Variants in IQCM observed in about 807,000 individuals in gnomAD.
IQCM encodes the protein IQ motif containing M, also known as IQ domain-containing protein M.
In IQCM, 45 loss-of-function variants were observed where a neutral mutation model predicts 57.6. The ratio of observed to expected loss-of-function variants is 0.78; its 90% confidence interval spans 0.62 to 1.00. The LOEUF (loss-of-function observed/expected upper bound fraction) is 1.00, where lower values mean the gene tolerates loss of function less well. Ranked by LOEUF, IQCM falls within the 50% of genes least tolerant of loss-of-function variation. The pLI is 0.00. For synonymous variants in IQCM, 148 were observed against 158.9 expected, an observed-to-expected ratio of 0.93 and a Z score of 0.51; for missense variants, 468 against 511.6, an observed-to-expected ratio of 0.91 and a Z score of 0.82.
intron 7 of IQCM, among the ~76,000 whole-genome samples, chr4:149,639,173 T>C (rs932807672): frequency 6.6e-6 from 1 of 152,164 alleles, no homozygotes; most frequent in Non-Finnish European, 1.5e-5. Flanking sequence ...ACGCCTATAA[T>C]ACCAGCACTT....
intron 13 of IQCM, among the ~76,000 whole-genome samples, chr4:149,354,085 C>G (rs1728755752): frequency 6.6e-6 from 1 of 151,956 alleles, no homozygotes; most frequent in Non-Finnish European, 1.5e-5. Context: ...GACAAATTGG[C>G]CAGGCGCGGT....
chr4:149,445,603 C>T (rs1579081234), intron 12 of IQCM, among the ~76,000 whole-genome samples: 1 of 151,608 alleles, frequency 6.6e-6, no homozygotes, highest in African/African-American at 2.4e-5. Flanking sequence ...CTAAATGTTG[C>T]CTGTGCTTAG....
intron 12 of IQCM, among the ~76,000 whole-genome samples, chr4:149,501,484 T>C (rs552821128): frequency 1.4e-4 from 22 of 152,154 alleles, no homozygotes; most frequent in African/African-American, 4.6e-4. Context: ...AGAAAATTCC[T>C]AGTAACATGA....
At chr4:149,391,387 G>T (rs1731845242) in intron 13 of IQCM, among the ~76,000 whole-genome samples, 1 of 151,344 alleles carries the variant, frequency 6.6e-6, no homozygotes, top group Non-Finnish European at 1.5e-5. Flanking sequence ...TTTTTTCTTT[G>T]TCTGTCTAAC....
At chr4:149,594,902 T>C (rs1176781892) in intron 8 of IQCM, among the ~76,000 whole-genome samples, 2 of 152,240 alleles carry the variant, frequency 1.3e-5, no homozygotes, top group East Asian at 3.9e-4. Context: ...GGAATAAGTG[T>C]GATGTCATGC....
chr4:149,625,973 A>C (rs1024456794), intron 7 of IQCM, among the ~76,000 whole-genome samples: 3 of 152,118 alleles, frequency 2.0e-5, no homozygotes, highest in Non-Finnish European at 4.4e-5. Context: ...TTCTTTTCAT[A>C]CTATGTTCTG....
At chr4:149,382,970 C>T (rs1198869143) in intron 13 of IQCM, among the ~76,000 whole-genome samples, 2 of 138,130 alleles carry the variant, frequency 1.4e-5, no homozygotes, top group Non-Finnish European at 3.1e-5. Context: ...CTTATTTTGA[C>T]ATTAATGGTC....
intron 9 of IQCM, among the ~76,000 whole-genome samples, chr4:149,587,534 G>A (rs1233294700): frequency 6.6e-6 from 1 of 151,698 alleles, no homozygotes; most frequent in East Asian, 1.9e-4. Context: ...TCATTGAAAT[G>A]CATGCTTAAC....
At chr4:149,658,364 T>C (rs989843493) in intron 7 of IQCM, among the ~76,000 whole-genome samples, 18 of 152,050 alleles carry the variant, frequency 1.2e-4, no homozygotes, top group African/African-American at 4.3e-4. Flanking sequence ...GGTCTATGTG[T>C]TTGGTTTTTA....
At chr4:149,393,444 C>A (rs919503930) in intron 13 of IQCM, among the ~76,000 whole-genome samples, 1 of 151,336 alleles carries the variant, frequency 6.6e-6, no homozygotes, top group Non-Finnish European at 1.5e-5. Flanking sequence ...CTAACGGAAG[C>A]ATTTTTTTAA....
At chr4:149,358,808 C>T (rs958933341) in intron 13 of IQCM, among the ~76,000 whole-genome samples, 2 of 81,378 alleles carry the variant, frequency 2.5e-5, no homozygotes, top group African/African-American at 9.5e-5. Flanking sequence ...ATAGGATCCA[C>T]CCAAAAGAGG....
chr4:149,399,494 G>A lies in IQCM; in HGVS notation c.1390+33902C>T, dbSNP rs570318472. Among the ~76,000 whole-genome samples the A allele has an allele frequency of 3.3e-5, 5 of 151,960 alleles. No homozygotes were observed. In the East Asian group the frequency reaches 9.7e-4, roughly 30 times the overall value. On this transcript the variant is annotated intron_variant, in intron 13 of 13. Transcript: ENST00000636793. ...AAACAAGAAAAAAAGAGTGATAGAA[G>A]GAGGGTTATAGAGCTCTGCCTCAAA... is the stretch of plus-strand genomic sequence containing the variant.
At chr4:149,661,723 T>G (rs1760233713) in intron 7 of IQCM, among the ~76,000 whole-genome samples, 1 of 152,140 alleles carries the variant, frequency 6.6e-6, no homozygotes, top group African/African-American at 2.4e-5. Flanking sequence ...TTCTATATTA[T>G]CAAATTTGTT....
At chr4:149,805,384 T>C (rs1398524153) in intron 2 of IQCM, among the ~76,000 whole-genome samples, 1 of 152,080 alleles carries the variant, frequency 6.6e-6, no homozygotes, top group East Asian at 1.9e-4. Flanking sequence ...GAGTTCATAA[T>C]AAATGTGTAA....
chr4:149,511,992 G>A (rs1484147027), intron 12 of IQCM, among the ~76,000 whole-genome samples: 1 of 152,018 alleles, frequency 6.6e-6, no homozygotes, highest in African/African-American at 2.4e-5. Flanking sequence ...TAAGTCCTAG[G>A]TGTTGGGTGC....
chr4:149,753,166 G>A (rs1768618890), intron 2 of IQCM, among the ~76,000 whole-genome samples: 1 of 151,998 alleles, frequency 6.6e-6, no homozygotes, highest in Non-Finnish European at 1.5e-5. Context: ...TTTAACATAT[G>A]TCCAAAACTA....
intron 2 of IQCM, among the ~76,000 whole-genome samples, chr4:149,745,738 G>C (rs1767863294): frequency 6.6e-6 from 1 of 152,158 alleles, no homozygotes; most frequent in African/African-American, 2.4e-5. Context: ...TTGGGAAGCT[G>C]AGGCAGAACA....
intron 7 of IQCM, among the ~76,000 whole-genome samples, chr4:149,646,721 C>T (rs1462528319): frequency 2.0e-5 from 3 of 152,168 alleles, no homozygotes; most frequent in Admixed American, 6.5e-5. Flanking sequence ...CAGTGGCTCA[C>T]GCCTGTAATC....
chr4:149,673,603 G>A (rs1251026495), intron 7 of IQCM, among the ~76,000 whole-genome samples: 2 of 152,036 alleles, frequency 1.3e-5, no homozygotes, highest in Middle Eastern at 3.2e-3. Context: ...CCCAATACAG[G>A]AGCACCCAGA....
Sources: gnomAD v4.1 joint callset for allele counts (sites outside exome capture counted in the v4.1 genomes callset) on GRCh38, gnomAD v4.1.1 for gene constraint, MANE v1.5 for transcripts, NCBI Gene and HGNC (gene_info 2026-07-23, HGNC 2026-07-21) for gene names.